The following PTPRD variants were observed in gnomAD, a reference collection of about 807,000 sequenced individuals.
PTPRD encodes protein tyrosine phosphatase receptor type D.
PTPRD carries 34 observed loss-of-function variants against 214.5 expected under a neutral mutation model. That is an observed-to-expected ratio of 0.16 (90% CI 0.12 to 0.21). PTPRD has a LOEUF of 0.21. Ranked by LOEUF, PTPRD falls within the 10% of genes least tolerant of loss-of-function variation. PTPRD has a pLI of 1.00. For missense variants in PTPRD, 2,545 were observed against 2,398.7 expected, an observed-to-expected ratio of 1.06 and a Z score of -1.27; for synonymous variants, 1,128 against 845.7, an observed-to-expected ratio of 1.33 and a Z score of -5.79.
intron 21 of PTPRD, among the ~76,000 whole-genome samples, chr9:8,510,685 TTAAGAGTGCAC>T (rs2097660027): frequency 6.6e-6 from 1 of 152,114 alleles, no homozygotes; most frequent in South Asian, 2.1e-4. Context: ...CATCAATGGC[TTAAGAGTGCAC>T]TACCCACACT....
chr9:10,185,701 A>G (rs1333518779), intron 3 of PTPRD, among the ~76,000 whole-genome samples: 1 of 152,168 alleles, frequency 6.6e-6, no homozygotes, highest in African/African-American at 2.4e-5. Context: ...ATTGCAGATT[A>G]TAATTAATGT....
intron 4 of PTPRD, among the ~76,000 whole-genome samples, chr9:10,014,257 T>A (rs1053957149): frequency 1.3e-5 from 2 of 152,008 alleles, no homozygotes; most frequent in Non-Finnish European, 2.9e-5. Flanking sequence ...ATGAGGAAAC[T>A]AAGACTCAGT....
At chr9:10,171,513 G>A (rs1372293259) in intron 3 of PTPRD, among the ~76,000 whole-genome samples, 1 of 151,802 alleles carries the variant, frequency 6.6e-6, no homozygotes, top group Non-Finnish European at 1.5e-5. Context: ...CTCAGTCTCT[G>A]GTATATCTTT....
chr9:9,134,817 G>T (rs1035768965), intron 10 of PTPRD, among the ~76,000 whole-genome samples: 10 of 152,144 alleles, frequency 6.6e-5, no homozygotes, highest in Admixed American at 1.3e-4. Flanking sequence ...GTGTGTGTGT[G>T]TGTGTGTTTT....
At chr9:9,461,112 T>A in intron 8 of PTPRD, among the ~76,000 whole-genome samples, 1 of 151,902 alleles carries the variant, frequency 6.6e-6, no homozygotes, top group East Asian at 1.9e-4. Context: ...AAGTGGGAGC[T>A]AAACAATGGG....
At chr9:9,192,212 A>G (rs527876090) in intron 9 of PTPRD, among the ~76,000 whole-genome samples, 33 of 151,980 alleles carry the variant, frequency 2.2e-4, no homozygotes, top group Admixed American at 1.4e-3. Context: ...GTTAAATTTT[A>G]TATAGCAAAG....
intron 12 of PTPRD, among the ~76,000 whole-genome samples, chr9:8,719,127 C>T (rs935110056): frequency 1.3e-5 from 2 of 152,076 alleles, no homozygotes; most frequent in Admixed American, 6.6e-5. Flanking sequence ...CTTTTTTCCT[C>T]TTTTTTAAGA....
intron 11 of PTPRD, among the ~76,000 whole-genome samples, chr9:8,824,507 A>G (rs981211950): frequency 1.3e-5 from 2 of 152,236 alleles, no homozygotes; most frequent in African/African-American, 2.4e-5. Context: ...CTGTAAGATT[A>G]GTTAACTGTT....
intron 2 of PTPRD, among the ~76,000 whole-genome samples, chr9:10,583,101 G>A (rs1056885611): frequency 6.6e-6 from 1 of 152,238 alleles, no homozygotes; most frequent in African/African-American, 2.4e-5. Flanking sequence ...CAGAGGTGAA[G>A]AGTTGGGTGA....
chr9:9,204,008 A>C (rs2099943368), intron 9 of PTPRD, among the ~76,000 whole-genome samples: 1 of 152,166 alleles, frequency 6.6e-6, no homozygotes, highest in African/African-American at 2.4e-5. Flanking sequence ...GATCAGATTA[A>C]ATTGGGAACA....
At chr9:9,176,893 A>G (rs1350019027) in intron 10 of PTPRD, among the ~76,000 whole-genome samples, 1 of 152,134 alleles carries the variant, frequency 6.6e-6, no homozygotes, top group Non-Finnish European at 1.5e-5. Flanking sequence ...GCAGCACAAA[A>G]CAGATAAAGA....
At chr9:9,329,518 T>C (rs2041505013) in intron 9 of PTPRD, among the ~76,000 whole-genome samples, 1 of 152,214 alleles carries the variant, frequency 6.6e-6, no homozygotes, top group Admixed American at 6.5e-5. Context: ...ATTACAATTA[T>C]TGCTATTCTC....
At chr9:8,612,101 T>TGAAAAGAAAA (rs1412703297) in intron 14 of PTPRD, among the ~76,000 whole-genome samples, 196 of 147,522 alleles carry the variant, frequency 1.3e-3, no homozygotes, top group African/African-American at 4.8e-3. Context: ...CAAGACCTTG[T>TGAAAAGAAAA]GAAAAGAAAA....
chr9:9,698,972 G>T (rs1483356210), intron 7 of PTPRD, among the ~76,000 whole-genome samples: 1 of 152,078 alleles, frequency 6.6e-6, no homozygotes, highest in Non-Finnish European at 1.5e-5. Context: ...ACTGTTCCTT[G>T]TGTCTAACTT....
chr9:9,536,121 T>C (rs933305940), intron 8 of PTPRD, among the ~76,000 whole-genome samples: 10 of 152,070 alleles, frequency 6.6e-5, no homozygotes, highest in Non-Finnish European at 1.2e-4. Flanking sequence ...CTAAGACATA[T>C]CAAGATAATT....
chr9:8,542,219 G>A (rs16928117), intron 14 of PTPRD, among the ~76,000 whole-genome samples: 2,201 of 152,264 alleles, frequency 0.014, 21 homozygotes, highest in Middle Eastern at 0.044. Context: ...GGTGCTTGCG[G>A]GCATGTGTAC....
At chr9:9,934,037 A>C (rs2153942108) in intron 5 of PTPRD, among the ~76,000 whole-genome samples, 1 of 149,750 alleles carries the variant, frequency 6.7e-6, no homozygotes, top group East Asian at 1.9e-4. Flanking sequence ...CAACGAGAAC[A>C]AAGACACAAC....
intron 11 of PTPRD, among the ~76,000 whole-genome samples, chr9:8,735,474 C>T (rs1456546070): frequency 3.9e-5 from 6 of 152,082 alleles, no homozygotes; most frequent in South Asian, 2.1e-4. Context: ...AGGACTGGGT[C>T]ACATATTTGC....
intron 2 of PTPRD, among the ~76,000 whole-genome samples, chr9:10,380,093 G>A (rs2097791226): frequency 1.3e-5 from 2 of 152,070 alleles, no homozygotes; most frequent in South Asian, 4.1e-4. Context: ...CAGAGTGGCT[G>A]AGAATACAGG....
Sources: gnomAD v4.1 joint callset for allele counts (sites outside exome capture counted in the v4.1 genomes callset) on GRCh38, gnomAD v4.1.1 for gene constraint, MANE v1.5 for transcripts, NCBI Gene and HGNC (gene_info 2026-07-23, HGNC 2026-07-21) for gene names.